MAP4K4: variants seen among roughly 807,000 people sequenced by gnomAD.
MAP4K4 encodes the protein HPK/GCK-like kinase HGK.
In MAP4K4, 38 loss-of-function variants were observed where a neutral mutation model predicts 189.6. The observed-to-expected ratio is 0.20, with a 90% CI of 0.15 to 0.26. The LOEUF is 0.26. MAP4K4 is among the 10% of genes least tolerant of loss of function. MAP4K4 has a pLI of 1.00. For missense variants in MAP4K4, 1,054 were observed against 1,726.9 expected, an observed-to-expected ratio of 0.61 and a Z score of 6.91; for synonymous variants, 610 against 624.3, an observed-to-expected ratio of 0.98 and a Z score of 0.34.
intron 2 of MAP4K4, among the ~76,000 whole-genome samples, chr2:101,738,563 A>G (rs1462389311): frequency 6.6e-6 from 1 of 152,202 alleles, no homozygotes; most frequent in African/African-American, 2.4e-5. Context: ...AGTGAAAGAA[A>G]TAGAATAGTG....
At chr2:101,781,756 C>T (rs1203387308) in intron 2 of MAP4K4, among the ~76,000 whole-genome samples, 1 of 152,128 alleles carries the variant, frequency 6.6e-6, no homozygotes, top group African/African-American at 2.4e-5. Flanking sequence ...AAGAATTACT[C>T]GTAAACTCTC....
intron 2 of MAP4K4, among the ~76,000 whole-genome samples, chr2:101,779,141 T>C (rs1225244915): frequency 6.6e-6 from 1 of 152,162 alleles, no homozygotes; most frequent in Admixed American, 6.5e-5. Context: ...GAACACACAG[T>C]GAGTGCTTCT....
chr2:101,833,470 A>C (rs1022928262), intron 7 of MAP4K4, among the ~76,000 whole-genome samples: 2 of 151,854 alleles, frequency 1.3e-5, no homozygotes, highest in African/African-American at 4.8e-5. Context: ...AATACAAAAA[A>C]TTAGCCGGGC....
At chr2:101,726,052 T>C (rs1408805598) in intron 2 of MAP4K4, among the ~76,000 whole-genome samples, 1 of 152,246 alleles carries the variant, frequency 6.6e-6, no homozygotes, top group Non-Finnish European at 1.5e-5. Context: ...GCTTCACCGC[T>C]TCCTCAGGTT....
intron 2 of MAP4K4, among the ~76,000 whole-genome samples, chr2:101,782,668 C>T (rs895390795): frequency 5.2e-4 from 79 of 152,230 alleles, no homozygotes; most frequent in African/African-American, 1.7e-3. Context: ...TTTCCTTACT[C>T]CTGCTCTATT....
chr2:101,777,068 A>G (rs2084592363), intron 2 of MAP4K4, among the ~76,000 whole-genome samples: 1 of 152,258 alleles, frequency 6.6e-6, no homozygotes, highest in African/African-American at 2.4e-5. Context: ...AGTCATAGCC[A>G]GGCTCTGCCA....
intron 2 of MAP4K4, among the ~76,000 whole-genome samples, chr2:101,717,967 G>A (rs1225559315): frequency 6.6e-6 from 1 of 151,346 alleles, no homozygotes; most frequent in Admixed American, 6.6e-5. Context: ...AAAAAAAAAA[G>A]CTATCTTGGC....
chr2:101,784,446 C>T (rs2089610729), intron 2 of MAP4K4, among the ~76,000 whole-genome samples: 3 of 152,084 alleles, frequency 2.0e-5, no homozygotes, highest in South Asian at 4.1e-4. Context: ...ATAGGCTTCA[C>T]TATTAAGCAA....
At chr2:101,727,944 G>T (rs2056456696) in intron 2 of MAP4K4, among the ~76,000 whole-genome samples, 1 of 152,214 alleles carries the variant, frequency 6.6e-6, no homozygotes, top group Non-Finnish European at 1.5e-5. Flanking sequence ...ACTCCAGCCT[G>T]GGTGACAGAG....
intron 2 of MAP4K4, among the ~76,000 whole-genome samples, chr2:101,750,607 A>G (rs2068359445): frequency 6.6e-6 from 1 of 151,692 alleles, no homozygotes; most frequent in African/African-American, 2.4e-5. Context: ...ACATGTATAC[A>G]TATGTAACTA....
chr2:101,712,205 A>G (rs1258680888), intron 2 of MAP4K4, among the ~76,000 whole-genome samples: 1 of 151,082 alleles, frequency 6.6e-6, no homozygotes, highest in Admixed American at 6.6e-5. Flanking sequence ...ATTTATTTTT[A>G]TTTTTTTGAG....
intron 28 of MAP4K4, 86 bp from the exon 29 acceptor site, chr2:101,885,101 G>C: frequency 1.7e-6 from 1 of 580,386 alleles, no homozygotes; most frequent in African/African-American, 1.9e-5. Flanking sequence ...TATTTATAAA[G>C]TTTGCAGAAG....
chr2:101,817,402 C>T (rs2095794491), intron 3 of MAP4K4, among the ~76,000 whole-genome samples: 1 of 152,166 alleles, frequency 6.6e-6, no homozygotes, highest in South Asian at 2.1e-4. Flanking sequence ...GTGGGTCATT[C>T]AGGCAAGCAT....
intron 2 of MAP4K4, among the ~76,000 whole-genome samples, chr2:101,724,822 G>A (rs2054323339): frequency 6.6e-6 from 1 of 152,200 alleles, no homozygotes; most frequent in African/African-American, 2.4e-5. Context: ...CCAGGTTTGG[G>A]AAGTATAGTT....
intron 3 of MAP4K4, among the ~76,000 whole-genome samples, chr2:101,821,598 G>A (rs2096059795): frequency 6.6e-6 from 1 of 152,208 alleles, no homozygotes; most frequent in African/African-American, 2.4e-5. Flanking sequence ...GAGCTTACAG[G>A]GCTGGAGGTT....
At chr2:101,773,825 GA>G (rs1321107851) in intron 2 of MAP4K4, among the ~76,000 whole-genome samples, 2 of 152,072 alleles carry the variant, frequency 1.3e-5, no homozygotes, top group Non-Finnish European at 2.9e-5. Context: ...AGAAGTAAAT[GA>G]ACGTGCAATG....
intron 2 of MAP4K4, among the ~76,000 whole-genome samples, chr2:101,703,955 A>T (rs2040508822): frequency 6.6e-6 from 1 of 151,976 alleles, no homozygotes; most frequent in Non-Finnish European, 1.5e-5. Context: ...GTGGAGGTTG[A>T]AGTGAGCCGA....
intron 31 of MAP4K4, 69 bp downstream of exon 31, chr2:101,888,006 C>T: frequency 7.1e-7 from 1 of 1,405,958 alleles, no homozygotes; most frequent in Non-Finnish European, 9.7e-7. Flanking sequence ...ATTTATTTAT[C>T]ATGCTGATTT....
At chr2:101,816,070 G>A (rs1254842039) in intron 3 of MAP4K4, among the ~76,000 whole-genome samples, 2 of 152,174 alleles carry the variant, frequency 1.3e-5, no homozygotes, top group East Asian at 1.9e-4. Context: ...TCCTCTGGGC[G>A]CCGTTTGGGT....
Sources: gnomAD v4.1 joint callset for allele counts (sites outside exome capture counted in the v4.1 genomes callset) on GRCh38, gnomAD v4.1.1 for gene constraint, MANE v1.5 for transcripts, NCBI Gene and HGNC (gene_info 2026-07-23, HGNC 2026-07-21) for gene names.